The following RYR2 variants were observed in gnomAD, a reference collection of about 807,000 sequenced individuals.
RYR2 encodes the protein cardiac muscle ryanodine receptor-calcium release channel.
RYR2 carries 227 observed loss-of-function variants against 601.1 expected under a neutral mutation model. That is an observed-to-expected ratio of 0.38 (90% CI 0.34 to 0.42). The LOEUF is 0.42. Ranked by LOEUF, RYR2 falls within the 10% of genes least tolerant of loss-of-function variation. RYR2 has a pLI of 1.00. For missense variants in RYR2, 4,646 were observed against 6,156.5 expected (o/e 0.75, Z 8.21); for synonymous variants, 2,223 against 2,175.1 (o/e 1.02, Z -0.61).
chr1:237,171,987 G>A (rs1284384410), intron 1 of RYR2, among the ~76,000 whole-genome samples: 1 of 152,170 alleles, frequency 6.6e-6, no homozygotes, highest in Non-Finnish European at 1.5e-5. Flanking sequence ...CTTAACATCC[G>A]TGTCTGCTAA....
chr1:237,714,773 G>T (rs890773522), intron 71 of RYR2, among the ~76,000 whole-genome samples: 1 of 151,700 alleles, frequency 6.6e-6, no homozygotes, highest in Non-Finnish European at 1.5e-5. Context: ...GATGGATCAC[G>T]AGGTCAGGAG....
chr1:237,356,670 G>A (rs1699323536), intron 4 of RYR2, among the ~76,000 whole-genome samples: 1 of 152,044 alleles, frequency 6.6e-6, no homozygotes, highest in African/African-American at 2.4e-5. Flanking sequence ...TGTGCAAAAA[G>A]TTACATTGCT....
At chr1:237,093,480 G>A (rs893145960) in intron 1 of RYR2, among the ~76,000 whole-genome samples, 12 of 152,224 alleles carry the variant, frequency 7.9e-5, no homozygotes, top group African/African-American at 2.2e-4. Context: ...AACAGTGACA[G>A]GAGCAGGAGC....
chr1:237,548,460 C>T lies in RYR2; in HGVS notation c.2936C>T (p.Ala979Val), dbSNP rs1333831934. The T allele has an allele frequency of 4.3e-6, 7 of 1,613,814 alleles. No homozygotes were observed. The highest frequency in any genetic ancestry group is 5.1e-6 in the Non-Finnish European group (6 of 1,179,882). ...NYQLTSGYKP[A>V]PMDLSFIKLT... is the part of the protein sequence containing the mutation. ...CAGCTGACAAGTGGATACAAGCCTG[C>T]CCCTATGGACCTGAGCTTTATCAAA... is the stretch of plus-strand genomic sequence containing the variant. The change falls in exon 26 of 105, where the codon GCC becomes GTC. Residue 979 changes from alanine to valine, a missense_variant. Physicochemically the swap from Ala to Val is moderately conservative, Grantham distance 64. Coordinates refer to ENST00000366574, the MANE Select transcript of RYR2 (RefSeq NM_001035.3).
At chr1:237,582,923 G>GATATATATATATATATATATAT (rs71180101) in intron 29 of RYR2, among the ~76,000 whole-genome samples, 1 of 133,132 alleles carries the variant, frequency 7.5e-6, no homozygotes, top group Non-Finnish European at 1.6e-5. Context: ...TTTTCTTTTG[G>GATATATATATATATATATATAT]ATATATATAT....
rs1166983551 is a variant in RYR2 at position 237,491,878 on chromosome 1, T to C, written c.1781T>C (p.Ile594Thr). Residue 594 changes from isoleucine to threonine, a missense_variant, in exon 18 of 105, where the codon ATT becomes ACT. Ile to Thr is a moderately conservative substitution (Grantham distance 89). Transcript: ENST00000366574. ...EALNIIKEGH[I>T]KSIISLLDKH... is the part of the protein sequence containing the mutation. ...CTAAATATTATTAAAGAAGGACATA[T>C]TAAATCTATTATCTCACTTTTAGAC... is the stretch of plus-strand genomic sequence containing the variant. The C allele has an allele frequency of 6.9e-7, 1 of 1,450,806 alleles. No homozygotes were observed. Among genetic ancestry groups the C allele is most frequent in the Non-Finnish European group, 9.5e-7 (1 of 1,053,602 alleles). 89.9% of individuals were successfully genotyped at this position (1,450,806 alleles called of 1,614,324 possible).
At chr1:237,554,145 C>T (rs1670661278) in intron 27 of RYR2, among the ~76,000 whole-genome samples, 1 of 151,808 alleles carries the variant, frequency 6.6e-6, no homozygotes, top group Non-Finnish European at 1.5e-5. Flanking sequence ...TATAGCTGTC[C>T]TTTATCACAT....
intron 42 of RYR2, among the ~76,000 whole-genome samples, chr1:237,632,769 A>T (rs1356045067): frequency 3.3e-5 from 5 of 152,196 alleles, no homozygotes; most frequent in Non-Finnish European, 7.3e-5. Flanking sequence ...AATAAAAAAA[A>T]ACTTTATATA....
At chr1:237,768,912 A>C (rs1229095489) in intron 84 of RYR2, among the ~76,000 whole-genome samples, 1 of 152,170 alleles carries the variant, frequency 6.6e-6, no homozygotes, top group Non-Finnish European at 1.5e-5. Flanking sequence ...TCCTTATATA[A>C]GTGAAATTAC....
At position 237,309,534 on chromosome 1, in the gene RYR2, T is replaced by A. The variant is rs1383024613; in HGVS notation, c.169-21344T>A. Among the ~76,000 whole-genome samples the A allele has an allele frequency of 3.9e-5, 6 of 152,204 alleles. No homozygotes were observed. The East Asian group carries it at 1.2e-3, about 29-fold the overall frequency. ...CCAGCTAGACATAAAAGTTCTCCAA[T>A]TCCCCACTAGACTCAGGAGCCCAGC... is the stretch of plus-strand genomic sequence containing the variant. On this transcript the variant is annotated intron_variant, in intron 2 of 104. Coordinates refer to ENST00000366574, the MANE Select transcript of RYR2 (RefSeq NM_001035.3).
intron 40 of RYR2, among the ~76,000 whole-genome samples, chr1:237,626,088 G>A (rs1438237798): frequency 6.6e-6 from 1 of 152,142 alleles, no homozygotes; most frequent in Non-Finnish European, 1.5e-5. Context: ...AAGTTAAAAG[G>A]AAGTATAGTA....
At chr1:237,831,484 C>T in intron 103 of RYR2, 30 bp from the exon 104 acceptor site, 1 of 1,253,856 alleles carries the variant, frequency 8.0e-7, no homozygotes, top group Non-Finnish European at 1.2e-6. Flanking sequence ...CCATACCGTT[C>T]ATTTCTGATC....
At chr1:237,494,325 A>T (rs1663787553) in intron 19 of RYR2, among the ~76,000 whole-genome samples, 1 of 152,172 alleles carries the variant, frequency 6.6e-6, no homozygotes. Context: ...CAAGAGTCCA[A>T]AAGCTGAAGA....
intron 1 of RYR2, among the ~76,000 whole-genome samples, chr1:237,118,121 T>C (rs1670343405): frequency 6.6e-6 from 1 of 152,206 alleles, no homozygotes; most frequent in African/African-American, 2.4e-5. Context: ...AAATATCCTT[T>C]CTCCCATTTC....
At chr1:237,108,358 G>A (rs1237888568) in intron 1 of RYR2, among the ~76,000 whole-genome samples, 2 of 152,150 alleles carry the variant, frequency 1.3e-5, no homozygotes, top group Non-Finnish European at 1.5e-5. Flanking sequence ...ACAAATGAGA[G>A]GTCAAAATGT....
intron 39 of RYR2, among the ~76,000 whole-genome samples, chr1:237,624,977 G>A (rs999749432): frequency 6.6e-6 from 1 of 151,710 alleles, no homozygotes; most frequent in African/African-American, 2.4e-5. Context: ...GTGTGTACAT[G>A]TATGTGTGTG....
At chr1:237,387,191 C>G in intron 8 of RYR2, 90 bp from the exon 9 acceptor site, 1 of 1,117,390 alleles carries the variant, frequency 8.9e-7, no homozygotes, top group Non-Finnish European at 1.4e-6. Flanking sequence ...ATAACCAAAT[C>G]AGCAACGTTA....
intron 1 of RYR2, among the ~76,000 whole-genome samples, chr1:237,097,345 G>T (rs1373228007): frequency 6.6e-6 from 1 of 152,188 alleles, no homozygotes; most frequent in Non-Finnish European, 1.5e-5. Flanking sequence ...AGATCCAGGA[G>T]ACTCTCTCCT....
At chr1:237,152,889 A>T (rs116766471) in intron 1 of RYR2, among the ~76,000 whole-genome samples, 3,244 of 150,264 alleles carry the variant, frequency 0.022, 116 homozygotes, top group African/African-American at 0.074. Context: ...AATGGGAAAA[A>T]ATTTTTGCAG....
Sources: gnomAD v4.1 joint callset for allele counts (sites outside exome capture counted in the v4.1 genomes callset) on GRCh38, gnomAD v4.1.1 for gene constraint, MANE v1.5 for transcripts, NCBI Gene and HGNC (gene_info 2026-07-23, HGNC 2026-07-21) for gene names.